Variants in FRMPD4 observed in about 807,000 individuals in gnomAD.
FRMPD4 encodes the protein FERM and PDZ domain containing 4.
In FRMPD4, 22 loss-of-function variants were observed where a neutral mutation model predicts 94.1. The observed-to-expected ratio is 0.23, with a 90% CI of 0.17 to 0.33. The LOEUF (loss-of-function observed/expected upper bound fraction) is 0.33. Ranked by LOEUF, FRMPD4 falls within the 10% of genes least tolerant of loss-of-function variation. FRMPD4 has a pLI of 1.00. For missense variants in FRMPD4, 1,111 were observed against 1,339.9 expected (o/e 0.83, Z 2.67); for synonymous variants, 631 against 548.6 (o/e 1.15, Z -2.10).
intron 3 of FRMPD4, among the ~76,000 whole-genome samples, chrX:12,097,092 A>G (rs866977852): frequency 4.5e-5 from 5 of 112,345 alleles, no homozygotes; most frequent in Non-Finnish European, 9.4e-5. Context: ...ATGGAGGATT[A>G]TCCTGTAATT....
At chrX:12,024,155 A>G (rs936867595) in intron 3 of FRMPD4, among the ~76,000 whole-genome samples, 3 of 111,444 alleles carry the variant, frequency 2.7e-5, no homozygotes, top group Non-Finnish European at 5.7e-5. Context: ...GCTCTGAAAG[A>G]TTGTCTTTTT....
intron 3 of FRMPD4, among the ~76,000 whole-genome samples, chrX:12,118,660 G>A (rs756307890): frequency 8.9e-6 from 1 of 111,754 alleles, no homozygotes; most frequent in Non-Finnish European, 1.9e-5. Context: ...TGTGCCATCC[G>A]GTGGTGAAGA....
intron 1 of FRMPD4, among the ~76,000 whole-genome samples, chrX:12,322,713 T>C (rs980920395): frequency 9.0e-6 from 1 of 111,563 alleles, no homozygotes; most frequent in Non-Finnish European, 1.9e-5. Context: ...AGTGGGTAAG[T>C]CAGTCAATTT....
chrX:12,223,753 G>A (rs1009416150), intron 1 of FRMPD4, among the ~76,000 whole-genome samples: 1 of 111,898 alleles, frequency 8.9e-6, no homozygotes, highest in African/African-American at 3.2e-5. Context: ...ATTCTAGTGG[G>A]TATTAAGTGG....
chrX:12,102,036 T>C (rs868634963), intron 3 of FRMPD4, among the ~76,000 whole-genome samples: 4 of 112,139 alleles, frequency 3.6e-5, no homozygotes, highest in Non-Finnish European at 5.6e-5. Flanking sequence ...TACATTTCAC[T>C]CTATCATGCC....
intron 2 of FRMPD4, among the ~76,000 whole-genome samples, chrX:12,603,264 C>T (rs967144419): frequency 6.2e-5 from 7 of 112,260 alleles, no homozygotes; most frequent in Non-Finnish European, 1.1e-4. Flanking sequence ...CCAAAGGTAA[C>T]GGCTTCTAAA....
chrX:12,457,131 A>T (rs1292130806), intron 1 of FRMPD4, among the ~76,000 whole-genome samples: 2 of 112,319 alleles, frequency 1.8e-5, no homozygotes, highest in Admixed American at 9.4e-5. Context: ...ATCACAGCTG[A>T]GTTGGTTTTG....
rs1322261478 is a variant in FRMPD4, at chrX:11,934,078, G to A, written c.95+56060G>A. The stretch of plus-strand genomic sequence containing the variant: ...ATGGTTTGATCATGCCATGCAACTA[G>A]TCTACTGCCGCATAATCTCAGTTCA... On this transcript the variant is annotated intron_variant, in intron 3 of 18. Coordinates refer to the FRMPD4 transcript ENST00000640291. 2.7e-5 allele frequency among the ~76,000 whole-genome samples: 3 copies of A among 112,222 alleles called. No homozygotes were observed. In the Admixed American group the frequency reaches 2.8e-4, roughly 11 times the overall value.
chrX:12,387,542 A>C (rs181121446), intron 1 of FRMPD4, among the ~76,000 whole-genome samples: 1 of 112,052 alleles, frequency 8.9e-6, no homozygotes, highest in East Asian at 2.8e-4. Flanking sequence ...AGAGAGGTTG[A>C]AATCAGGTCA....
chrX:12,335,287 C>T (rs1209968680), intron 1 of FRMPD4, among the ~76,000 whole-genome samples: 1 of 110,195 alleles, frequency 9.1e-6, no homozygotes, highest in Non-Finnish European at 1.9e-5. Flanking sequence ...CCACCATACC[C>T]AGCTAATTTT....
intron 1 of FRMPD4, among the ~76,000 whole-genome samples, chrX:12,425,941 T>C (rs750973489): frequency 8.9e-6 from 1 of 112,113 alleles, no homozygotes; most frequent in Non-Finnish European, 1.9e-5. Flanking sequence ...GGCAATGCAG[T>C]TGGACTCTCA....
At chrX:12,322,964 A>T (rs1445197012) in intron 1 of FRMPD4, among the ~76,000 whole-genome samples, 1 of 111,957 alleles carries the variant, frequency 8.9e-6, no homozygotes, top group Non-Finnish European at 1.9e-5. Context: ...TAAAGTCAAG[A>T]TGGGTCTCAC....
At chrX:12,075,744 C>G (rs2055008285) in intron 3 of FRMPD4, among the ~76,000 whole-genome samples, 1 of 112,137 alleles carries the variant, frequency 8.9e-6, no homozygotes, top group African/African-American at 3.2e-5. Flanking sequence ...AGCAGCAAGA[C>G]AGCCAATGAC....
chrX:12,669,685 T>C (rs959825264), intron 4 of FRMPD4, among the ~76,000 whole-genome samples: 2 of 111,860 alleles, frequency 1.8e-5, no homozygotes, highest in African/African-American at 6.5e-5. Flanking sequence ...ATATAATCAC[T>C]AGTCCTTTTA....
chrX:12,499,455 C>T (rs1431672206), intron 2 of FRMPD4, among the ~76,000 whole-genome samples: 2 of 112,063 alleles, frequency 1.8e-5, no homozygotes, highest in Non-Finnish European at 3.8e-5. Context: ...CCATTCGCTA[C>T]TATCCATTTC....
chrX:12,716,030 A>T, intron 14 of FRMPD4, 39 bp from the exon 15 acceptor site: 1 of 296,485 alleles, frequency 3.4e-6, no homozygotes, highest in Non-Finnish European at 5.3e-6. Flanking sequence ...AAAACCAGAC[A>T]GTACAGTAAT....
intron 3 of FRMPD4, among the ~76,000 whole-genome samples, chrX:12,110,283 T>A (rs1225137461): frequency 4.5e-5 from 5 of 111,947 alleles, no homozygotes; most frequent in Non-Finnish European, 7.5e-5. Context: ...ATCAATAAAC[T>A]TAATCCAGCA....
Position 12,360,868 on chromosome X carries a change from A to C in FRMPD4, c.42-137812A>C, listed in dbSNP as rs759297938. 1.6e-4 allele frequency among the ~76,000 whole-genome samples: 15 copies of C among 95,188 alleles called. No individual in the cohort carries two copies. The East Asian group carries it at 4.5e-3, about 29-fold the overall frequency. 82.7% of individuals were successfully genotyped at this position (95,188 alleles called of 115,157 possible). A position where few individuals can be genotyped will look rare whatever the true frequency, so the allele number is the denominator to read the frequency against. ...TATGCTTCTGCTTTATGGTTTATTT[A>C]TTTTCTAGTCACTTGGGAGAAACTC... On this transcript the variant is annotated intron_variant, in intron 1 of 16. Transcript: ENST00000675598.
intron 1 of FRMPD4, among the ~76,000 whole-genome samples, chrX:12,358,194 A>AT (rs930801788): frequency 5.4e-5 from 6 of 110,320 alleles, no homozygotes; most frequent in Non-Finnish European, 7.6e-5. Flanking sequence ...TGCTGCTATG[A>AT]TTTTTTTTTA....
Sources: allele counts gnomAD v4.1 joint callset (sites outside exome capture counted in the v4.1 genomes callset), GRCh38; gene constraint gnomAD v4.1.1; transcripts MANE v1.5; gene names NCBI Gene and HGNC (gene_info 2026-07-23, HGNC 2026-07-21).